Variants in ARHGAP39 observed in about 807,000 individuals in gnomAD.
The protein encoded by ARHGAP39 is Rho GTPase activating protein 39.
ARHGAP39 carries 44 observed loss-of-function variants against 106.9 expected under a neutral mutation model. The ratio of observed to expected loss-of-function variants is 0.41; its 90% CI spans 0.32 to 0.53. ARHGAP39 has a LOEUF of 0.53. Ranked by LOEUF, ARHGAP39 falls within the 20% of genes least tolerant of loss-of-function variation. The pLI is 0.21. For missense variants in ARHGAP39, 1,496 were observed against 1,577.3 expected (o/e 0.95, Z 0.87); for synonymous variants, 768 against 693.2 (o/e 1.11, Z -1.69).
intron 1 of ARHGAP39, among the ~76,000 whole-genome samples, chr8:144,633,453 G>A (rs1333098682): frequency 2.0e-5 from 3 of 151,934 alleles, no homozygotes; most frequent in South Asian, 2.1e-4. Context: ...GTGAGACTCC[G>A]TCTCAAAAAA....
chr8:144,580,594 G>A (rs1313585832), intron 3 of ARHGAP39, among the ~76,000 whole-genome samples: 1 of 150,350 alleles, frequency 6.7e-6, no homozygotes, highest in African/African-American at 2.5e-5. Context: ...ACCTGGCCCT[G>A]CCCACCATAC....
At chr8:144,635,129 T>C (rs1368382679) in intron 1 of ARHGAP39, among the ~76,000 whole-genome samples, 1 of 152,224 alleles carries the variant, frequency 6.6e-6, no homozygotes, top group Non-Finnish European at 1.5e-5. Context: ...ATCTCCATGG[T>C]TATGTTGTTT....
At chr8:144,558,931 C>T (rs532780558) in intron 3 of ARHGAP39, among the ~76,000 whole-genome samples, 5 of 151,244 alleles carry the variant, frequency 3.3e-5, no homozygotes, top group East Asian at 2.0e-4. Context: ...AAACTAGGGC[C>T]GGGCACGGTA....
In ARHGAP39 at chr8:144,529,361, A is replaced by G. The variant is rs1816553262; in HGVS notation, c.*1061T>C. ...ATAAAAACGGAACTCTAAAAAATAT[A>G]TATATAAAAACTGGGGAGAAATTAA... On this transcript the variant is annotated 3_prime_UTR_variant, in exon 12 of 12. Coordinates refer to ENST00000377307, the MANE Select transcript of ARHGAP39 (RefSeq NM_025251.3). The G allele has an allele frequency of 6.5e-6, 1 of 153,718 alleles. No individual in the cohort carries two copies. Among genetic ancestry groups the G allele is most frequent in the Admixed American group, 6.5e-5 (1 of 15,314 alleles). 9.5% of individuals were successfully genotyped at this position (153,718 alleles called of 1,614,324 possible).
intron 3 of ARHGAP39, among the ~76,000 whole-genome samples, chr8:144,566,594 G>A (rs979939186): frequency 6.6e-6 from 1 of 152,190 alleles, no homozygotes; most frequent in African/African-American, 2.4e-5. Context: ...GGTAGCTCAT[G>A]CCTGTAATCC....
At chr8:144,639,195 T>C (rs1821246962) in intron 1 of ARHGAP39, among the ~76,000 whole-genome samples, 1 of 151,662 alleles carries the variant, frequency 6.6e-6, no homozygotes, top group African/African-American at 2.4e-5. Context: ...GGCATGGTGG[T>C]ACATGCCTGA....
At chr8:144,673,956 A>T (rs1822167309) in intron 1 of ARHGAP39, among the ~76,000 whole-genome samples, 2 of 152,210 alleles carry the variant, frequency 1.3e-5, no homozygotes, top group South Asian at 4.1e-4. Context: ...CACTGTGGGC[A>T]CCTGCATCTG....
At chr8:144,588,861 G>A (rs1312775783) in intron 2 of ARHGAP39, among the ~76,000 whole-genome samples, 4 of 152,264 alleles carry the variant, frequency 2.6e-5, no homozygotes, top group Admixed American at 6.5e-5. Context: ...CCAGTGAATC[G>A]TGGTGAAGAT....
intron 2 of ARHGAP39, among the ~76,000 whole-genome samples, chr8:144,596,560 T>C (rs577365335): frequency 1.1e-3 from 168 of 152,304 alleles, no homozygotes; most frequent in African/African-American, 3.9e-3. Flanking sequence ...GAATCCAGAC[T>C]GGCCATGAGG....
At position 144,540,032 on chromosome 8, in the gene ARHGAP39, C is replaced by T. The variant is rs117615331; in HGVS notation, c.2522-2219G>A. Among the ~76,000 whole-genome samples, 540 of 152,320 alleles carry T rather than the reference C, an allele frequency of 3.5e-3. 2 individuals carry two copies. The highest frequency in any genetic ancestry group is 6.3e-3 in the Non-Finnish European group (432 of 68,032). On this transcript the variant is annotated intron_variant, in intron 6 of 11. Transcript: ENST00000377307. ...GATTCATAAGCACAGCAGACCTCTC[C>T]GTCTACTTTACTGCTTTACTTTCAG...
At chr8:144,592,061 A>AT (rs1819423549) in intron 2 of ARHGAP39, among the ~76,000 whole-genome samples, 1 of 152,244 alleles carries the variant, frequency 6.6e-6, no homozygotes, top group Non-Finnish European at 1.5e-5. Flanking sequence ...CGAACATTCT[A>AT]TGCCCTAAAA....
rs575277861 is a variant in ARHGAP39 at position 144,613,000 on chromosome 8, T to C, written c.-81-7305A>G. 5.9e-5 allele frequency among the ~76,000 whole-genome samples: 9 copies of C among 152,390 alleles called. No homozygotes were observed. The South Asian group carries it at 1.0e-3, about 18-fold the overall frequency. On this transcript the variant is annotated intron_variant, in intron 1 of 11. Coordinates refer to ENST00000377307, the MANE Select transcript of ARHGAP39 (RefSeq NM_025251.3). ...TTAAGTATTTTATGTGGGTCAACTT[T>C]ATCTCCACTGTTCACTTATCAGCTG...
intron 1 of ARHGAP39, among the ~76,000 whole-genome samples, chr8:144,633,224 C>T (rs553178927): frequency 5.3e-5 from 8 of 152,122 alleles, no homozygotes; most frequent in South Asian, 2.1e-4. Flanking sequence ...TTCGGGAAGC[C>T]GAGGCAGGTG....
chr8:144,566,279 C>T (rs140920409), intron 3 of ARHGAP39, among the ~76,000 whole-genome samples: 3 of 152,080 alleles, frequency 2.0e-5, no homozygotes, highest in African/African-American at 7.2e-5. Context: ...AATAAAGGAG[C>T]TAGAGCCAGG....
rs370204429 is a variant in ARHGAP39, at chr8:144,547,629, C to G, written c.1457G>C (p.Gly486Ala). Residue 486 changes from glycine (G) to alanine (A), a missense_variant, in exon 5 of 12, where the codon GGC (glycine) becomes GCC (alanine). By Grantham distance (60) the Gly-to-Ala change is moderately conservative (BLOSUM62 0). Coordinates refer to ENST00000377307, the MANE Select transcript of ARHGAP39 (RefSeq NM_025251.3). The surrounding 1 kb of genome is among the most constrained non-coding windows in gnomAD (Gnocchi z 5.2). ...SSQQDTLSSTGYSPGTRKRKS... is the reference protein window; with the variant it reads ...SSQQDTLSSTAYSPGTRKRKS... ...CCGCTTGCGCGTGCCCGGGGAGTAG[C>G]CTGTGGAGGACAGGGTGTCCTGCTG... The G allele has an allele frequency of 7.9e-6, 12 of 1,516,672 alleles. No individual in the cohort carries two copies. Among genetic ancestry groups the G allele is most frequent in the Non-Finnish European group, 1.1e-5 (12 of 1,133,720 alleles). 94.0% of individuals were successfully genotyped at this position (1,516,672 alleles called of 1,614,324 possible). A position where few individuals can be genotyped will look rare whatever the true frequency, so the allele number is the denominator to read the frequency against.
At chr8:144,672,173 C>T (rs887229053) in intron 1 of ARHGAP39, among the ~76,000 whole-genome samples, 8 of 152,210 alleles carry the variant, frequency 5.3e-5, no homozygotes, top group Non-Finnish European at 8.8e-5. Context: ...AGAAACAGCA[C>T]CTAGAGTTTC....
At chr8:144,572,761 G>T (rs1388904916) in intron 3 of ARHGAP39, among the ~76,000 whole-genome samples, 7 of 152,054 alleles carry the variant, frequency 4.6e-5, no homozygotes, top group Non-Finnish European at 8.8e-5. Context: ...AATCTACAAA[G>T]AACTTACACA....
intron 1 of ARHGAP39, among the ~76,000 whole-genome samples, chr8:144,628,779 C>T (rs1820988087): frequency 6.6e-6 from 1 of 152,240 alleles, no homozygotes; most frequent in South Asian, 2.1e-4. Flanking sequence ...CAGCCCACCA[C>T]CAGTTTGTAG....
chr8:144,661,075 A>C (rs1458646080), intron 1 of ARHGAP39, among the ~76,000 whole-genome samples: 1 of 152,144 alleles, frequency 6.6e-6, no homozygotes, highest in African/African-American at 2.4e-5. Flanking sequence ...CAGGAGATGG[A>C]GGCTGCAGTC....
Sources: gnomAD v4.1 joint callset for allele counts (sites outside exome capture counted in the v4.1 genomes callset) on GRCh38, gnomAD v4.1.1 for gene constraint, Gnocchi (gnomAD v3.1) non-coding constraint, MANE v1.5 for transcripts, NCBI Gene and HGNC (gene_info 2026-07-23, HGNC 2026-07-21) for gene names.